TMCC3: variants seen among roughly 807,000 people sequenced by gnomAD.
TMCC3 encodes the protein transmembrane and coiled-coil domain family 3.
Under a neutral mutation model 40.2 loss-of-function variants are expected in TMCC3, and 28 were observed. That is an observed-to-expected ratio of 0.70 (90% CI 0.52 to 0.95). The LOEUF is 0.95. Ranked by LOEUF, TMCC3 falls within the 40% of genes least tolerant of loss-of-function variation. The pLI is 0.00. For synonymous variants in TMCC3, 255 were observed against 248.5 expected (o/e 1.03, Z -0.25); for missense variants, 554 against 615.2 (o/e 0.90, Z 1.05).
At chr12:94,616,242 G>A (rs568257992) in intron 1 of TMCC3, 7 of 270,304 alleles carry the variant, frequency 2.6e-5, no homozygotes, top group South Asian at 2.8e-4. Context: ...CAGGGAGGTC[G>A]ACTAGAAGGG....
chr12:94,637,877 C>T (rs1206200873), intron 1 of TMCC3, among the ~76,000 whole-genome samples: 1 of 152,216 alleles, frequency 6.6e-6, no homozygotes, highest in African/African-American at 2.4e-5. Context: ...AACATACACA[C>T]ATTCACTCAT....
chr12:94,639,373 G>A (rs1348561503), intron 1 of TMCC3, among the ~76,000 whole-genome samples: 1 of 152,182 alleles, frequency 6.6e-6, no homozygotes, highest in Non-Finnish European at 1.5e-5. Context: ...CTTGAGGCCA[G>A]GAGTTTGAGA....
At chr12:94,648,484 C>G (rs984518850) in intron 1 of TMCC3, among the ~76,000 whole-genome samples, 5 of 152,176 alleles carry the variant, frequency 3.3e-5, no homozygotes, top group African/African-American at 1.2e-4. Flanking sequence ...CTCGGCCTCT[C>G]AAAGTGGTGG....
intron 1 of TMCC3, among the ~76,000 whole-genome samples, chr12:94,582,980 TTTTTTTTTTTTTTTAA>T (rs548196765): frequency 0.021 from 1,552 of 75,170 alleles, 37 homozygotes; most frequent in East Asian, 0.077. Flanking sequence ...TTTTTTTTTT[TTTTTTTTTTTTTTTAA>T]AAAAGAAAGA....
Position 94,571,582 on chromosome 12 carries a change from C to A in TMCC3, c.1287G>T (p.Val429=), listed in dbSNP as rs1197820308. 2 of 1,613,998 alleles carry A rather than the reference C, an allele frequency of 1.2e-6. No homozygotes were observed. Among genetic ancestry groups the A allele is most frequent in the East Asian group, 4.5e-5 (2 of 44,890 alleles). ...LAFMTVILVC[V]STIAKFVSPM... is the part of the protein sequence containing the mutation. ...GTGAGACGAACTTCGCGATGGTGGA[C>A]ACACACACTAAGATGACAGTCATGA... The change falls in exon 4 of 4, where the codon GTG becomes GTT. Residue 429 remains valine (V), a synonymous_variant. Transcript: ENST00000261226.
intron 1 of TMCC3, among the ~76,000 whole-genome samples, chr12:94,601,651 C>T (rs191866232): frequency 3.3e-5 from 5 of 151,646 alleles, no homozygotes; most frequent in Admixed American, 1.3e-4. Flanking sequence ...CCTATCTCTA[C>T]TAAAAAATTG....
intron 3 of TMCC3, among the ~76,000 whole-genome samples, chr12:94,576,836 G>T (rs1419065617): frequency 6.6e-6 from 1 of 151,968 alleles, no homozygotes; most frequent in Non-Finnish European, 1.5e-5. Context: ...TACGTGCTAG[G>T]ATCACATTAG....
chr12:94,606,581 A>G (rs7299637), intron 1 of TMCC3, among the ~76,000 whole-genome samples: 9,397 of 151,894 alleles, frequency 0.062, 623 homozygotes, highest in African/African-American at 0.16. Flanking sequence ...CAGCCCCAAT[A>G]TTTCAAAGTA....
chr12:94,616,903 T>C (rs2651971), intron 1 of TMCC3, among the ~76,000 whole-genome samples: 22,816 of 152,168 alleles, frequency 0.15, 2,256 homozygotes, highest in Non-Finnish European at 0.22. Flanking sequence ...GATGATCACA[T>C]CCTGTTTTAA....
chr12:94,597,138 TATATATATATATATATATATGTATATAA>T (rs1453854769), intron 1 of TMCC3, among the ~76,000 whole-genome samples: 7 of 12,136 alleles, frequency 5.8e-4, no homozygotes, highest in Non-Finnish European at 2.1e-3. Flanking sequence ...TATATATATA[TATATATATATATATATATATGTATATAA>T]ATTAGCCAGG....
At chr12:94,592,718 A>G (rs996651000) in intron 1 of TMCC3, among the ~76,000 whole-genome samples, 24 of 147,860 alleles carry the variant, frequency 1.6e-4, no homozygotes, top group Non-Finnish European at 2.8e-4. Context: ...GTAAAATCTC[A>G]TTACTCTGGA....
At chr12:94,583,922 T>G (rs1485623212) in intron 1 of TMCC3, among the ~76,000 whole-genome samples, 1 of 152,216 alleles carries the variant, frequency 6.6e-6, no homozygotes, top group Admixed American at 6.5e-5. Context: ...AAGCATCTCA[T>G]TTGTCAATAT....
intron 1 of TMCC3, chr12:94,614,061 C>A (rs2068832453): frequency 6.9e-6 from 1 of 144,932 alleles, no homozygotes; most frequent in South Asian, 2.2e-4. Context: ...CACCACTGCA[C>A]TCCAGCCTGG....
At chr12:94,586,171 G>A (rs1031386029) in intron 1 of TMCC3, among the ~76,000 whole-genome samples, 4 of 152,114 alleles carry the variant, frequency 2.6e-5, no homozygotes, top group African/African-American at 9.7e-5. Context: ...GTATCAATGT[G>A]CAACAAGATA....
rs1566320495 is a variant in TMCC3, at chr12:94,593,377, AG to A, written c.79-10840del. On this transcript the variant is annotated intron_variant, in intron 1 of 3. Coordinates refer to ENST00000261226, the MANE Select transcript of TMCC3 (RefSeq NM_020698.4). ...CTCCATCTAAAAAAAAAAAAAGAAA[AG>A]AAAAGAAAGAAGAAAGAAGAAAGAA... Among the ~76,000 whole-genome samples, 7 of 70,072 alleles carry A rather than the reference AG, an allele frequency of 1.0e-4. No homozygotes were observed. In the East Asian group the frequency reaches 1.1e-3, roughly 11 times the overall value. 46.0% of individuals were successfully genotyped at this position (70,072 alleles called of 152,430 possible). A position where few individuals can be genotyped will look rare whatever the true frequency, so the allele number is the denominator to read the frequency against.
chr12:94,582,352 G>A lies in TMCC3; in HGVS notation c.265C>T (p.Arg89Cys), dbSNP rs773663948. 22 of 1,613,730 alleles carry A rather than the reference G, an allele frequency of 1.4e-5. No individual in the cohort carries two copies. The highest frequency in any genetic ancestry group is 3.3e-4 in the Middle Eastern group (2 of 6,084). Residue 89 changes from arginine (R) to cysteine (C), a missense_variant, in exon 2 of 4, where the codon CGC (arginine) becomes TGC (cysteine). By Grantham distance (180) the Arg-to-Cys change is radical. Coordinates refer to ENST00000261226, the MANE Select transcript of TMCC3 (RefSeq NM_020698.4). ...TEQIKIEQTS[R>C]DGNVAEYLKL... is the part of the protein sequence containing the mutation. ...AGATACTCCGCAACATTCCCATCGC[G>A]CGATGTTTGCTCAATTTTTATCTGC...
At chr12:94,575,798 C>T (rs1057494772) in intron 3 of TMCC3, among the ~76,000 whole-genome samples, 1 of 152,132 alleles carries the variant, frequency 6.6e-6, no homozygotes, top group Non-Finnish European at 1.5e-5. Context: ...CACTTGGCAA[C>T]ATTTTTATTT....
intron 3 of TMCC3, among the ~76,000 whole-genome samples, chr12:94,572,399 C>T (rs1274773615): frequency 6.9e-6 from 1 of 144,112 alleles, no homozygotes; most frequent in Non-Finnish European, 1.5e-5. Context: ...CAACCTCTGC[C>T]TTCTGGGTTT....
At chr12:94,641,206 A>AAAAAAAG (rs1555286439) in intron 1 of TMCC3, among the ~76,000 whole-genome samples, 7 of 151,852 alleles carry the variant, frequency 4.6e-5, no homozygotes, top group African/African-American at 1.7e-4. Flanking sequence ...TCTCAAAAAA[A>AAAAAAAG]AAAAGAAAAG....
Sources: allele counts gnomAD v4.1 joint callset (sites outside exome capture counted in the v4.1 genomes callset), GRCh38; gene constraint gnomAD v4.1.1; transcripts MANE v1.5; gene names NCBI Gene and HGNC (gene_info 2026-07-23, HGNC 2026-07-21).